The following EPS8 variants were observed in gnomAD, a reference collection of about 807,000 sequenced individuals.
EPS8 encodes the protein EGFR pathway substrate 8, signaling adaptor.
A neutral mutation model predicts 103.8 loss-of-function variants in EPS8; 42 were observed. The ratio of observed to expected loss-of-function variants is 0.40; its 90% CI spans 0.32 to 0.52. EPS8 has a LOEUF of 0.52. Among genes scored for constraint, EPS8 ranks in the 20% least tolerant of loss-of-function variants. The pLI is 0.40. For synonymous variants in EPS8, 344 were observed against 344.6 expected (o/e 1.00, Z 0.02); for missense variants, 969 against 1,005.1 (o/e 0.96, Z 0.49).
At position 15,663,906 on chromosome 12, in the gene EPS8, GC is replaced by G. The variant is rs1488509693; in HGVS notation, c.737-1808del. ...ACTGCACTCCAGCCTGGGTGACAGA[GC>G]AACACTCCATCTCAAAAAAAAAAAA... On this transcript the variant is annotated intron_variant, in intron 8 of 20. Transcript: ENST00000281172. 9.1e-4 allele frequency among the ~76,000 whole-genome samples: 96 copies of G among 105,626 alleles called. 1 individual carries two copies. The highest frequency in any genetic ancestry group is 3.7e-3 in the African/African-American group (96 of 25,610). 69.3% of individuals were successfully genotyped at this position (105,626 alleles called of 152,430 possible). A position where few individuals can be genotyped will look rare whatever the true frequency, so the allele number is the denominator to read the frequency against.
intron 1 of EPS8, among the ~76,000 whole-genome samples, chr12:15,753,045 T>C (rs564789051): frequency 6.6e-6 from 1 of 151,320 alleles, no homozygotes; most frequent in Admixed American, 6.6e-5. Context: ...CTTCAGAAAT[T>C]AGGATATCTC....
rs1297549154 is a variant in EPS8, at chr12:15,787,819, G to C, written c.-22+1342C>G. 6.6e-6 allele frequency: 1 copy of C among 152,106 alleles called. No individual in the cohort carries two copies. Among genetic ancestry groups the C allele is most frequent in the Non-Finnish European group, 1.5e-5 (1 of 68,018 alleles). The allele number at this position is 152,106 out of a possible 1,614,324, so 9.4% of individuals were successfully genotyped here. A position where few individuals can be genotyped will look rare whatever the true frequency, so the allele number is the denominator to read the frequency against. On this transcript the variant is annotated intron_variant, in intron 1 of 20. Transcript: ENST00000281172. The surrounding 1 kb of genome is among the most constrained non-coding windows in gnomAD (Gnocchi z 4.9). ...TACTGTTTTAACTGTCAAATTGTAA[G>C]TAAAAGTGTGAATTCGTGACCAAAA...
chr12:15,657,494 C>G (rs572207982), intron 12 of EPS8, among the ~76,000 whole-genome samples: 1 of 152,236 alleles, frequency 6.6e-6, no homozygotes, highest in South Asian at 2.1e-4. Flanking sequence ...TATTGGCTAC[C>G]CCACTATGTT....
In EPS8 at chr12:15,741,706, C is replaced by G. The variant is rs11056624; in HGVS notation, c.-22+47455G>C. On this transcript the variant is annotated intron_variant, in intron 1 of 20. Transcript: ENST00000281172. ...ACTGTTGCCTTTGCAACATCACATC[C>G]AGATCAGTAACATTAAGTCTTTTTT... Among the ~76,000 whole-genome samples the G allele has an allele frequency of 2.8e-3, 433 of 152,228 alleles. 5 individuals are homozygous for G. In the East Asian group the frequency reaches 0.031, roughly 11 times the overall value.
chr12:15,691,532 A>G (rs1269219086), intron 1 of EPS8, among the ~76,000 whole-genome samples: 2 of 152,172 alleles, frequency 1.3e-5, no homozygotes, highest in African/African-American at 2.4e-5. Flanking sequence ...AGCGGGAGAC[A>G]TTCGGTTCAT....
intron 1 of EPS8, among the ~76,000 whole-genome samples, chr12:15,774,197 G>A (rs997754383): frequency 3.6e-4 from 54 of 151,822 alleles, no homozygotes; most frequent in Non-Finnish European, 6.2e-4. Context: ...CCACGAATAA[G>A]AAGGAATAAC....
At position 15,731,025 on chromosome 12, in the gene EPS8, T is replaced by C. The variant is rs1173036626; in HGVS notation, c.-21-48053A>G. 6.6e-6 allele frequency among the ~76,000 whole-genome samples: 1 copy of C among 152,104 alleles called. No homozygotes were observed. Among genetic ancestry groups the C allele is most frequent in the East Asian group, 1.9e-4 (1 of 5,194 alleles). On this transcript the variant is annotated intron_variant, in intron 1 of 20. Transcript: ENST00000281172. The surrounding 1 kb of genome is among the most constrained non-coding windows in gnomAD (Gnocchi z 5.1). ...TGACATTTCAAATATCCCATTTACT[T>C]ATTTCAGAAATGCCTCTTGTGCAAA...
chr12:15,671,115 T>C (rs1591840278), intron 3 of EPS8, among the ~76,000 whole-genome samples, 192 bp from the exon 4 acceptor site: 1 of 152,112 alleles, frequency 6.6e-6, no homozygotes, highest in Admixed American at 6.5e-5. Context: ...AAAGTCTAAA[T>C]AATAGGCAAG....
chr12:15,733,996 C>T lies in EPS8; in HGVS notation c.-21-51024G>A, dbSNP rs1452546197. ...ACCTCAGCCTCCCAAGTCAGTGAGA[C>T]CCTCAGCTAATTTTTGTATTTTTTG... On this transcript the variant is annotated intron_variant, in intron 1 of 20. Transcript: ENST00000281172. This position sits in a 1 kb window ranked among gnomAD's most constrained non-coding sequence, Gnocchi z 4.8. Among the ~76,000 whole-genome samples, 1 of 151,890 alleles carries T rather than the reference C, an allele frequency of 6.6e-6. No individual in the cohort carries two copies. The highest frequency in any genetic ancestry group is 1.5e-5 in the Non-Finnish European group (1 of 67,976).
intron 1 of EPS8, among the ~76,000 whole-genome samples, chr12:15,687,715 T>C (rs978733880): frequency 6.6e-6 from 1 of 152,230 alleles, no homozygotes; most frequent in Non-Finnish European, 1.5e-5. Context: ...AGACATATTC[T>C]AATACTACTA....
rs1256650946 is a variant in EPS8 at position 15,704,691 on chromosome 12, C to T, written c.-21-21719G>A. Among the ~76,000 whole-genome samples, 3 of 151,980 alleles carry T rather than the reference C, an allele frequency of 2.0e-5. No homozygotes were observed. Among genetic ancestry groups the T allele is most frequent in the Non-Finnish European group, 4.4e-5 (3 of 67,996 alleles). The stretch of plus-strand genomic sequence containing the variant: ...ACAACAATGTGAATACACTTAATGA[C>T]AATAAACTATACATTTAAAGATGGT... On this transcript the variant is annotated intron_variant, in intron 1 of 20. Coordinates refer to ENST00000281172, the MANE Select transcript of EPS8 (RefSeq NM_004447.6). This position sits in a 1 kb window ranked among gnomAD's most constrained non-coding sequence, Gnocchi z 4.6.
At position 15,725,098 on chromosome 12, in the gene EPS8, C is replaced by T. The variant is rs1946638445; in HGVS notation, c.-21-42126G>A. ...AAAAAAAAAAATCCACTTTCTTTTT[C>T]AAGGTAAATGTCATTCTGCATTCCA... On this transcript the variant is annotated intron_variant, in intron 1 of 20. Transcript: ENST00000281172. This position sits in a 1 kb window ranked among gnomAD's most constrained non-coding sequence, Gnocchi z 4.5. 6.6e-6 allele frequency among the ~76,000 whole-genome samples: 1 copy of T among 151,956 alleles called. No individual in the cohort carries two copies. Among genetic ancestry groups the T allele is most frequent in the Non-Finnish European group, 1.5e-5 (1 of 67,994 alleles).
At chr12:15,711,731 G>A (rs1309956127) in intron 1 of EPS8, among the ~76,000 whole-genome samples, 3 of 152,104 alleles carry the variant, frequency 2.0e-5, no homozygotes, top group Non-Finnish European at 2.9e-5. Flanking sequence ...ATATTTCTAT[G>A]GGTAGTTAAA....
At chr12:15,648,835 G>A (rs1255149139) in intron 14 of EPS8, among the ~76,000 whole-genome samples, 2 of 152,198 alleles carry the variant, frequency 1.3e-5, no homozygotes, top group Non-Finnish European at 2.9e-5. Flanking sequence ...AAGTAAGGAA[G>A]CTGAGTACTG....
At position 15,631,598 on chromosome 12, in the gene EPS8, G is replaced by C. The variant is rs537633559; in HGVS notation, c.1888C>G (p.Pro630Ala). Reference sequence around the variant, plus strand: ...GGAAGGGGAACAGGAACAGGAGCTGGTGTTGGAGGAGGTGATGGAGCAGGG... The same window carrying C: ...GGAAGGGGAACAGGAACAGGAGCTGCTGTTGGAGGAGGTGATGGAGCAGGG... ...TPPAPSPPPT[P>A]APVPVPLPPS... Residue 630 changes from proline to alanine, a missense_variant, in exon 18 of 21, where the codon CCA becomes GCA. By Grantham distance (27) the Pro-to-Ala change is conservative. Coordinates refer to ENST00000281172, the MANE Select transcript of EPS8 (RefSeq NM_004447.6). The C allele has an allele frequency of 5.0e-6, 8 of 1,614,062 alleles. No homozygotes were observed. The Admixed American group carries it at 5.0e-5, about 10-fold the overall frequency.
Position 15,670,920 on chromosome 12 carries a change from T to C in EPS8, c.140A>G (p.Gln47Arg). 6.2e-7 allele frequency: 1 copy of C among 1,611,532 alleles called. No homozygotes were observed. ...ACTGTCCCGTGCATAATTCTTCCTTTGTTCTGAAAGAGAAATTGAAAAAGC... is the reference window on the plus strand; with the variant it reads ...ACTGTCCCGTGCATAATTCTTCCTTCGTTCTGAAAGAGAAATTGAAAAAGC... Reference protein sequence around the residue: ...SKTSAKALYEQRKNYARDSVS... With the variant: ...SKTSAKALYERRKNYARDSVS... Residue 47 changes from glutamine (Q) to arginine (R), a missense_variant, in exon 4 of 21, where the codon CAA becomes CGA. Coordinates refer to ENST00000281172, the MANE Select transcript of EPS8 (RefSeq NM_004447.6).
chr12:15,712,072 C>G (rs996824332), intron 1 of EPS8, among the ~76,000 whole-genome samples: 20 of 152,040 alleles, frequency 1.3e-4, no homozygotes, highest in African/African-American at 4.8e-4. Flanking sequence ...TCAATAAGAA[C>G]TACTTATAGA....
At position 15,769,107 on chromosome 12, in the gene EPS8, C is replaced by T. The variant is rs1947127225; in HGVS notation, c.-22+20054G>A. 6.6e-6 allele frequency among the ~76,000 whole-genome samples: 1 copy of T among 152,146 alleles called. No homozygotes were observed. ...CCCCCAAGTCAAGCCTCATCTCTCT[C>T]CCTGTCACCCATAAAATCTCACTTT... On this transcript the variant is annotated intron_variant, in intron 1 of 20. Coordinates refer to ENST00000281172, the MANE Select transcript of EPS8 (RefSeq NM_004447.6). The surrounding 1 kb of genome is among the most constrained non-coding windows in gnomAD (Gnocchi z 4.6).
chr12:15,682,323 A>G (rs2135888484), intron 2 of EPS8, among the ~76,000 whole-genome samples: 1 of 152,362 alleles, frequency 6.6e-6, no homozygotes, highest in Non-Finnish European at 1.5e-5. Context: ...TTATGAAAAA[A>G]TGATGAGTAA....
Sources: gnomAD v4.1 joint callset for allele counts (sites outside exome capture counted in the v4.1 genomes callset) on GRCh38, gnomAD v4.1.1 for gene constraint, Gnocchi (gnomAD v3.1) non-coding constraint, MANE v1.5 for transcripts, NCBI Gene and HGNC (gene_info 2026-07-23, HGNC 2026-07-21) for gene names.